MROH2A: variants seen among roughly 807,000 people sequenced by gnomAD.
MROH2A encodes maestro heat-like repeat-containing protein family member 2A.
In MROH2A, 174 loss-of-function variants were observed where a neutral mutation model predicts 200.4. The ratio of observed to expected loss-of-function variants is 0.87; its 90% CI spans 0.77 to 0.98. The LOEUF (loss-of-function observed/expected upper bound fraction) is 0.98, where lower values mean the gene tolerates loss of function less well. MROH2A is among the 50% of genes least tolerant of loss of function. MROH2A has a pLI of 0.00. For missense variants in MROH2A, 2,045 were observed against 2,139.6 expected (o/e 0.96, Z 0.87); for synonymous variants, 829 against 840.4 (o/e 0.99, Z 0.23).
rs1324532752 is a variant in MROH2A at position 233,812,063 on chromosome 2, C to T, written c.2651+104C>T. Reference sequence around the variant, plus strand: ...GTTGTGCCTCCTTTTTCCTCTCCTCCCTCTGTAGCAGGGGTCTCACTTGGA... The same window carrying T: ...GTTGTGCCTCCTTTTTCCTCTCCTCTCTCTGTAGCAGGGGTCTCACTTGGA... On this transcript the variant is annotated intron_variant, in intron 24 of 41. Transcript: ENST00000389758. 7 of 805,424 alleles carry T rather than the reference C, an allele frequency of 8.7e-6. No homozygotes were observed. The Admixed American group carries it at 1.2e-4, about 14-fold the overall frequency. 49.9% of individuals were successfully genotyped at this position (805,424 alleles called of 1,614,324 possible). A position where few individuals can be genotyped will look rare whatever the true frequency, so the allele number is the denominator to read the frequency against.
intron 12 of MROH2A, among the ~76,000 whole-genome samples, chr2:233,799,528 G>A (rs533882503): frequency 3.4e-4 from 52 of 152,292 alleles, no homozygotes; most frequent in African/African-American, 1.2e-3. Context: ...CTAGAATGGA[G>A]CAGCCGAGGT....
intron 3 of MROH2A, among the ~76,000 whole-genome samples, chr2:233,783,127 G>T (rs1441172872): frequency 1.3e-5 from 2 of 152,072 alleles, no homozygotes; most frequent in African/African-American, 4.8e-5. Flanking sequence ...CTAATATTTT[G>T]TTGTGGATTT....
At chr2:233,829,166 C>A in intron 37 of MROH2A, 94 bp downstream of exon 37, 2 of 1,217,414 alleles carry the variant, frequency 1.6e-6, no homozygotes, top group East Asian at 5.3e-5. Flanking sequence ...CAGAAAAGAG[C>A]CGAGGCTCCT....
Position 233,809,239 on chromosome 2 carries a change from CA to C in MROH2A, c.2410del (p.Thr804ProfsTer22), listed in dbSNP as rs1244798255. ...LLLNLVDSPI[T>X]AKIIHHYVSS... The stretch of plus-strand genomic sequence containing the variant: ...TCCTCAACCTCGTGGACAGCCCCAT[CA>C]CCGCTAAGATCATTCACCATTATGT... On this transcript the variant is annotated frameshift_variant, in exon 22 of 42. Coordinates refer to ENST00000389758, the MANE Select transcript of MROH2A (RefSeq NM_001394639.1). LOFTEE classifies it high-confidence loss of function. 3 of 1,550,470 alleles carry C rather than the reference CA, an allele frequency of 1.9e-6. No individual in the cohort carries two copies. The African/African-American group carries it at 4.1e-5, about 21-fold the overall frequency.
At chr2:233,805,575 T>C (rs1308229787) in intron 19 of MROH2A, among the ~76,000 whole-genome samples, 2 of 152,152 alleles carry the variant, frequency 1.3e-5, no homozygotes, top group African/African-American at 2.4e-5. Flanking sequence ...TATATGGAAA[T>C]ACCAGAGGCT....
At chr2:233,830,581 G>A (rs991096531) in intron 38 of MROH2A, among the ~76,000 whole-genome samples, 2 of 152,114 alleles carry the variant, frequency 1.3e-5, no homozygotes, top group Non-Finnish European at 2.9e-5. Flanking sequence ...GGGGTGGAGC[G>A]GGTGGCCCAG....
At chr2:233,831,287 C>G (rs1369493264) in intron 38 of MROH2A, 122 bp from the exon 39 acceptor site, 2 of 1,292,950 alleles carry the variant, frequency 1.5e-6, no homozygotes, top group Non-Finnish European at 2.1e-6. Flanking sequence ...GCCACCAGCC[C>G]TGCCTTTCTT....
At chr2:233,785,606 C>T (rs893627283) in intron 3 of MROH2A, among the ~76,000 whole-genome samples, 35 of 151,886 alleles carry the variant, frequency 2.3e-4, no homozygotes, top group Admixed American at 2.3e-3. Flanking sequence ...TTATAGGCAA[C>T]AGGCTTTATT....
In MROH2A at chr2:233,814,527, G is replaced by T. The variant is rs1201618587; in HGVS notation, c.2761-55G>T. 5 of 1,305,356 alleles carry T rather than the reference G, an allele frequency of 3.8e-6. No homozygotes were observed. The African/African-American group carries it at 5.9e-5, about 15-fold the overall frequency. 80.9% of individuals were successfully genotyped at this position (1,305,356 alleles called of 1,614,324 possible). On this transcript the variant is annotated intron_variant, in intron 25 of 41. Transcript: ENST00000389758. ...CCTGGCATGAACTCCCTGCAGGGAG[G>T]GGGGTTGTGGGTGCCCCTCATTGCC...
chr2:233,831,489 C>T lies in MROH2A; in HGVS notation c.4683C>T (p.Thr1561=), dbSNP rs771687761. ...SLEHPSGPSD[T]ATDDKMTVFQ... ...AGCATCCCTCAGGGCCAAGTGATAC[C>T]GCTACTGATGACAAGATGACCGTTT... Residue 1561 remains threonine, a synonymous_variant, in exon 39 of 42, where the codon ACC becomes ACT. Coordinates refer to ENST00000389758, the MANE Select transcript of MROH2A (RefSeq NM_001394639.1). The T allele has an allele frequency of 3.3e-5, 51 of 1,550,444 alleles. No homozygotes were observed. In the East Asian group the frequency reaches 4.4e-4, roughly 13 times the overall value.
At chr2:233,785,549 A>G (rs1282918277) in intron 3 of MROH2A, among the ~76,000 whole-genome samples, 6 of 151,992 alleles carry the variant, frequency 3.9e-5, no homozygotes, top group African/African-American at 1.5e-4. Flanking sequence ...AGGGTCACAC[A>G]GGGGAAGCAC....
chr2:233,828,638 C>A lies in MROH2A; in HGVS notation c.4122C>A (p.Ser1374Arg), dbSNP rs772745276. ...RISSTAVCFM[S>R]GPVLYQEKLL... ...AATGTCCTCCCTTCCAGTTCATGAG[C>A]GGCCCAGTTCTGTACCAGGAGAAGC... Residue 1374 changes from serine to arginine, a missense_variant, in exon 36 of 42, where the codon AGC becomes AGA. Physicochemically the swap from Ser to Arg is moderately radical, Grantham distance 110. Coordinates refer to ENST00000389758, the MANE Select transcript of MROH2A (RefSeq NM_001394639.1). This position sits in a 1 kb window ranked among gnomAD's most constrained non-coding sequence, Gnocchi z 4.6. 1.9e-6 allele frequency: 3 copies of A among 1,550,708 alleles called. No homozygotes were observed. The highest frequency in any genetic ancestry group is 2.6e-6 in the Non-Finnish European group (3 of 1,146,954).
In MROH2A at chr2:233,785,520, G is replaced by A. The variant is rs181520515; in HGVS notation, c.277-3977G>A. The stretch of plus-strand genomic sequence containing the variant: ...ACAGTTTGTTACATTCCCAAGAGAG[G>A]GGGCCAACCATGCCATGCAGGGTCA... On this transcript the variant is annotated intron_variant, in intron 3 of 41. Transcript: ENST00000389758. Among the ~76,000 whole-genome samples, 44 of 152,128 alleles carry A rather than the reference G, an allele frequency of 2.9e-4. 1 individual carries two copies. In the East Asian group the frequency reaches 7.5e-3, roughly 26 times the overall value.
chr2:233,829,562 G>A, intron 37 of MROH2A, 58 bp from the exon 38 acceptor site: 5 of 1,350,350 alleles, frequency 3.7e-6, no homozygotes, highest in Non-Finnish European at 3.8e-6. Flanking sequence ...GAGAATGGCT[G>A]GGGTTTTGCT....
chr2:233,812,091 C>A, intron 24 of MROH2A, 132 bp downstream of exon 24: 1 of 637,562 alleles, frequency 1.6e-6, no homozygotes, highest in South Asian at 1.8e-5. Context: ...CACTTGGAGG[C>A]TCCCCAGGGC....
chr2:233,793,613 G>C, intron 6 of MROH2A, 60 bp from the exon 7 acceptor site: 1 of 1,323,534 alleles, frequency 7.6e-7, no homozygotes, highest in Non-Finnish European at 9.7e-7. Context: ...GGGCTGGGAA[G>C]GCTTGGTTCT....
chr2:233,795,833 C>G, intron 9 of MROH2A, 88 bp downstream of exon 9: 1 of 1,547,130 alleles, frequency 6.5e-7, no homozygotes, highest in Non-Finnish European at 8.7e-7. Context: ...GCCCACAACT[C>G]ACTCGCGTGC....
chr2:233,788,133 T>A lies in MROH2A; in HGVS notation c.277-1364T>A, dbSNP rs1446163393. Among the ~76,000 whole-genome samples the A allele has an allele frequency of 7.4e-4, 76 of 103,120 alleles. 2 individuals carry two copies. Among genetic ancestry groups the A allele is most frequent in the African/African-American group, 2.6e-3 (63 of 24,346 alleles). The allele number at this position is 103,120 out of a possible 152,430, so 67.7% of individuals were successfully genotyped here. A position where few individuals can be genotyped will look rare whatever the true frequency, so the allele number is the denominator to read the frequency against. On this transcript the variant is annotated intron_variant, in intron 3 of 41. Coordinates refer to ENST00000389758, the MANE Select transcript of MROH2A (RefSeq NM_001394639.1). ...TATATATTATATATACATATATATT[T>A]TATATATATATAATATATATTTTAT...
rs1702525287 is a variant in MROH2A at position 233,802,322 on chromosome 2, A to C, written c.1708+7A>C. The C allele has an allele frequency of 6.5e-7, 1 of 1,547,968 alleles. No homozygotes were observed. Among genetic ancestry groups the C allele is most frequent in the Non-Finnish European group, 8.7e-7 (1 of 1,145,836 alleles). On this transcript the variant is annotated splice_region_variant and intron_variant, in intron 15 of 41. Coordinates refer to ENST00000389758, the MANE Select transcript of MROH2A (RefSeq NM_001394639.1). ...GCTGGCAAGAGCAGGCAAGGTGGGC[A>C]AAGTTCCTGTCCAGCTGATTGGATT...
Sources: gnomAD v4.1 joint callset for allele counts (sites outside exome capture counted in the v4.1 genomes callset) on GRCh38, gnomAD v4.1.1 for gene constraint, Gnocchi (gnomAD v3.1) non-coding constraint, MANE v1.5 for transcripts, NCBI Gene and HGNC (gene_info 2026-07-23, HGNC 2026-07-21) for gene names.